The following MVB12B variants were observed in gnomAD, a reference collection of about 807,000 sequenced individuals.
The protein encoded by MVB12B is multivesicular body subunit 12B.
A neutral mutation model predicts 41.6 loss-of-function variants in MVB12B; 16 were observed. The observed-to-expected ratio is 0.38, with a 90% CI of 0.26 to 0.58. MVB12B has a LOEUF of 0.58. Ranked by LOEUF, MVB12B falls within the 20% of genes least tolerant of loss-of-function variation. The pLI, the probability that MVB12B is intolerant of heterozygous loss-of-function variation, is 0.62. For missense variants in MVB12B, 274 were observed against 380.2 expected, an observed-to-expected ratio of 0.72 and a Z score of 2.32; for synonymous variants, 133 against 139.7, an observed-to-expected ratio of 0.95 and a Z score of 0.34.
intron 1 of MVB12B, among the ~76,000 whole-genome samples, chr9:126,335,829 C>T (rs1829257970): frequency 6.6e-6 from 1 of 152,256 alleles, no homozygotes; most frequent in African/African-American, 2.4e-5. Flanking sequence ...AAGCTGATCA[C>T]AAGTTTGCCC....
intron 9 of MVB12B, among the ~76,000 whole-genome samples, chr9:126,492,139 C>T (rs1833745268): frequency 6.7e-6 from 1 of 148,950 alleles, no homozygotes; most frequent in Non-Finnish European, 1.5e-5. Flanking sequence ...CACACACACG[C>T]TCAGCAGGCT....
chr9:126,454,675 G>T (rs1832944922), intron 7 of MVB12B, among the ~76,000 whole-genome samples: 2 of 152,244 alleles, frequency 1.3e-5, no homozygotes, highest in South Asian at 4.1e-4. Flanking sequence ...AAGTGAGATG[G>T]AAGTGAATGT....
At position 126,406,051 on chromosome 9, in the gene MVB12B, G is replaced by T. The variant is rs373679988; in HGVS notation, c.662+10354G>T. On this transcript the variant is annotated intron_variant, in intron 6 of 9. Transcript: ENST00000361171. ...TTATTTTGTTTTGGTTTTGTGGGGG[G>T]TTTTTTTTTTTGAGACGAAGTCTTG... 5.5e-3 allele frequency among the ~76,000 whole-genome samples: 795 copies of T among 144,164 alleles called. 8 individuals carry two copies. Among genetic ancestry groups the T allele is most frequent in the African/African-American group, 0.017 (676 of 39,610 alleles). The allele number at this position is 144,164 out of a possible 152,430, so 94.6% of individuals were successfully genotyped here.
At position 126,395,384 on chromosome 9, in the gene MVB12B, C is replaced by T. The variant is rs970445319; in HGVS notation, c.540-191C>T. Among the ~76,000 whole-genome samples the T allele has an allele frequency of 1.1e-4, 17 of 152,176 alleles. No individual in the cohort carries two copies. Among genetic ancestry groups the T allele is most frequent in the African/African-American group, 2.4e-4 (10 of 41,450 alleles). ...GTCCCGAAGGCCTGCCTAGATGGAA[C>T]GGGTCACCCTCGTGTGAACTATGAC... is the stretch of plus-strand genomic sequence containing the variant. On this transcript the variant is annotated intron_variant, in intron 5 of 9. Transcript: ENST00000361171. This position sits in a 1 kb window ranked among gnomAD's most constrained non-coding sequence, Gnocchi z 4.9.
chr9:126,381,242 A>C, intron 3 of MVB12B, 71 bp downstream of exon 3: 11 of 1,113,064 alleles, frequency 9.9e-6, no homozygotes, highest in Non-Finnish European at 1.3e-5. Context: ...GAATTTCCTC[A>C]TTTTGTTGTT....
In MVB12B at chr9:126,376,727, C is replaced by T. The variant is rs1830491840; in HGVS notation, c.205-4337C>T. On this transcript the variant is annotated intron_variant, in intron 2 of 9. Transcript: ENST00000361171. The surrounding 1 kb of genome is among the most constrained non-coding windows in gnomAD (Gnocchi z 4.1). ...TTCCACTCTGAAGTTGCACCTCCTC[C>T]CCCACCTCCTCCTGACCTCCAGCCT... is the stretch of plus-strand genomic sequence containing the variant. 8.0e-7 allele frequency: 1 copy of T among 1,246,332 alleles called. No homozygotes were observed. Among genetic ancestry groups the T allele is most frequent in the Admixed American group, 2.4e-5 (1 of 41,400 alleles). The allele number at this position is 1,246,332 out of a possible 1,614,324, so 77.2% of individuals were successfully genotyped here. A position where few individuals can be genotyped will look rare whatever the true frequency, so the allele number is the denominator to read the frequency against.
At chr9:126,400,927 T>A (rs1831250228) in intron 6 of MVB12B, among the ~76,000 whole-genome samples, 1 of 152,210 alleles carries the variant, frequency 6.6e-6, no homozygotes, top group Non-Finnish European at 1.5e-5. Flanking sequence ...TAGTCTGGCC[T>A]CCAGCTGGCT....
intron 2 of MVB12B, among the ~76,000 whole-genome samples, chr9:126,346,819 G>A (rs565200311): frequency 6.6e-6 from 1 of 152,370 alleles, no homozygotes; most frequent in South Asian, 2.1e-4. Flanking sequence ...CTGTAAGAAG[G>A]AGTGGTGAGT....
rs949744203 is a variant in MVB12B, at chr9:126,370,397, T to C, written c.205-10667T>C. ...AGGGGCTCTTTTTTTTTTTTTTTTT[T>C]CCCCAGACAGAGTCTCGTTCTGTTG... is the stretch of plus-strand genomic sequence containing the variant. On this transcript the variant is annotated intron_variant, in intron 2 of 9. Transcript: ENST00000361171. Among the ~76,000 whole-genome samples the C allele has an allele frequency of 3.2e-4, 48 of 149,624 alleles. No individual in the cohort carries two copies. In the South Asian group the frequency reaches 3.6e-3, roughly 11 times the overall value.
intron 6 of MVB12B, among the ~76,000 whole-genome samples, chr9:126,403,152 A>T (rs999350898): frequency 5.3e-5 from 8 of 152,200 alleles, no homozygotes; most frequent in Non-Finnish European, 1.2e-4. Context: ...TCAGACACAC[A>T]TATGTTCCTT....
At chr9:126,419,284 C>T (rs907065983) in intron 6 of MVB12B, among the ~76,000 whole-genome samples, 6 of 152,182 alleles carry the variant, frequency 3.9e-5, no homozygotes, top group African/African-American at 1.4e-4. Flanking sequence ...TGGAAATTCC[C>T]TCATTGGTAT....
rs552592128 is a variant in MVB12B at position 126,499,248 on chromosome 9, G to T, written c.874-3929G>T. ...CTTCCATCAGTGGCAGGGTCCCCGG[G>T]ACCCCTGGCAGAGCCTCCAGGACCC... On this transcript the variant is annotated intron_variant, in intron 9 of 9. Coordinates refer to ENST00000361171, the MANE Select transcript of MVB12B (RefSeq NM_033446.3). Among the ~76,000 whole-genome samples, 9 of 152,042 alleles carry T rather than the reference G, an allele frequency of 5.9e-5. 1 individual carries two copies. The South Asian group carries it at 1.9e-3, about 32-fold the overall frequency.
At position 126,340,464 on chromosome 9, in the gene MVB12B, G is replaced by T. The variant is rs1208217507; in HGVS notation, c.82-44G>T. The T allele has an allele frequency of 2.5e-6, 4 of 1,608,308 alleles. No homozygotes were observed. The East Asian group carries it at 8.9e-5, about 36-fold the overall frequency. Reference sequence around the variant, plus strand: ...GAGACTTTATATTATTCACATAAATGCTATGTTTGAATTTTGTGTTTTCTT... The same window carrying T: ...GAGACTTTATATTATTCACATAAATTCTATGTTTGAATTTTGTGTTTTCTT... On this transcript the variant is annotated intron_variant, in intron 1 of 9. Coordinates refer to ENST00000361171, the MANE Select transcript of MVB12B (RefSeq NM_033446.3). The surrounding 1 kb of genome is among the most constrained non-coding windows in gnomAD (Gnocchi z 4.0).
At chr9:126,463,190 A>G (rs1264435220) in intron 7 of MVB12B, among the ~76,000 whole-genome samples, 1 of 152,096 alleles carries the variant, frequency 6.6e-6, no homozygotes, top group African/African-American at 2.4e-5. Context: ...TGCTGGTTGG[A>G]AACACACCTC....
chr9:126,476,397 G>C (rs2119198181), intron 7 of MVB12B, among the ~76,000 whole-genome samples: 1 of 152,314 alleles, frequency 6.6e-6, no homozygotes, highest in South Asian at 2.1e-4. Flanking sequence ...CAGACAAACG[G>C]GAAGTGCCTC....
chr9:126,348,057 C>T (rs1317636550), intron 2 of MVB12B, among the ~76,000 whole-genome samples: 1 of 152,218 alleles, frequency 6.6e-6, no homozygotes, highest in Non-Finnish European at 1.5e-5. Context: ...CAGGGCTTTG[C>T]TATCGTGGGG....
At chr9:126,431,309 C>G (rs1033240725) in intron 7 of MVB12B, among the ~76,000 whole-genome samples, 2 of 152,164 alleles carry the variant, frequency 1.3e-5, no homozygotes, top group Non-Finnish European at 2.9e-5. Flanking sequence ...AAGCAGCCCA[C>G]GATCCCTTTC....
At chr9:126,373,071 G>A (rs1336353706) in intron 2 of MVB12B, among the ~76,000 whole-genome samples, 1 of 152,156 alleles carries the variant, frequency 6.6e-6, no homozygotes, top group Non-Finnish European at 1.5e-5. Context: ...TGAGTGGAAA[G>A]GACCACCTGA....
rs1184995908 is a variant in MVB12B, at chr9:126,505,452, T to A, written c.*2189T>A. On this transcript the variant is annotated 3_prime_UTR_variant, in exon 10 of 10. Coordinates refer to ENST00000361171, the MANE Select transcript of MVB12B (RefSeq NM_033446.3). Reference sequence around the variant, plus strand: ...CAGGAAGAGGACAAACTGCATGGACTCAAGCGAGCTGGAGCCATCTTCTCC... The same window carrying A: ...CAGGAAGAGGACAAACTGCATGGACACAAGCGAGCTGGAGCCATCTTCTCC... 3 of 152,260 alleles carry A rather than the reference T, an allele frequency of 2.0e-5. No individual in the cohort carries two copies. Among genetic ancestry groups the A allele is most frequent in the Non-Finnish European group, 4.4e-5 (3 of 68,046 alleles). The allele number at this position is 152,260 out of a possible 1,614,324, so 9.4% of individuals were successfully genotyped here. A position where few individuals can be genotyped will look rare whatever the true frequency, so the allele number is the denominator to read the frequency against.
Sources: gnomAD v4.1 joint callset for allele counts (sites outside exome capture counted in the v4.1 genomes callset) on GRCh38, gnomAD v4.1.1 for gene constraint, Gnocchi (gnomAD v3.1) non-coding constraint, MANE v1.5 for transcripts, NCBI Gene and HGNC (gene_info 2026-07-23, HGNC 2026-07-21) for gene names.